Variants in CATSPERE observed in about 807,000 individuals in gnomAD.
CATSPERE encodes the protein catsper channel auxiliary subunit epsilon, also known as cation channel sperm-associated auxiliary subunit epsilon.
A neutral mutation model predicts 114.1 loss-of-function variants in CATSPERE; 93 were observed. The observed-to-expected ratio is 0.81, with a 90% confidence interval of 0.69 to 0.97. The LOEUF (loss-of-function observed/expected upper bound fraction) is 0.97, where lower values mean the gene tolerates loss of function less well. Ranked by LOEUF, CATSPERE falls within the 50% of genes least tolerant of loss-of-function variation. The pLI, the probability that CATSPERE is intolerant of heterozygous loss-of-function variation, is 0.00. For synonymous variants in CATSPERE, 341 were observed against 384.1 expected (o/e 0.89, Z 1.31); for missense variants, 1,058 against 1,131.6 (o/e 0.93, Z 0.93).
intron 19 of CATSPERE, among the ~76,000 whole-genome samples, chr1:244,614,267 C>T (rs576203459): frequency 1.3e-5 from 2 of 152,356 alleles, no homozygotes; most frequent in Admixed American, 6.5e-5. Context: ...CCACCCTGCA[C>T]GTGAGTCAAG....
At chr1:244,637,443 C>T (rs1268656180) in intron 21 of CATSPERE, among the ~76,000 whole-genome samples, 2 of 152,126 alleles carry the variant, frequency 1.3e-5, no homozygotes, top group African/African-American at 4.8e-5. Flanking sequence ...ATAGTTACAC[C>T]TTCCACACTG....
At chr1:244,577,627 ACT>A (rs1665486588) in intron 11 of CATSPERE, among the ~76,000 whole-genome samples, 1 of 152,122 alleles carries the variant, frequency 6.6e-6, no homozygotes, top group African/African-American at 2.4e-5. Flanking sequence ...GGGCAAGGCC[ACT>A]CTCAGAGGCC....
intron 8 of CATSPERE, among the ~76,000 whole-genome samples, chr1:244,530,773 A>G (rs1212647327): frequency 1.3e-5 from 2 of 152,120 alleles, no homozygotes; most frequent in East Asian, 3.9e-4. Context: ...ATTTGTACCT[A>G]TTGTAAATAG....
At chr1:244,521,779 T>C (rs978094796) in intron 8 of CATSPERE, among the ~76,000 whole-genome samples, 1 of 152,188 alleles carries the variant, frequency 6.6e-6, no homozygotes, top group African/African-American at 2.4e-5. Flanking sequence ...ATTCAGCTCA[T>C]TGATGAATAC....
chr1:244,512,434 C>A lies in CATSPERE; in HGVS notation c.430-6158C>A, dbSNP rs770990928. ...TGTTTGTTAAATCTCTCATTCAGAT[C>A]TTGAATTGATTTCCTATTTTCTTTG... On this transcript the variant is annotated intron_variant, in intron 7 of 21. Coordinates refer to ENST00000366534, the MANE Select transcript of CATSPERE (RefSeq NM_001130957.2). Among the ~76,000 whole-genome samples, 26 of 152,048 alleles carry A rather than the reference C, an allele frequency of 1.7e-4. 1 individual carries two copies. Among genetic ancestry groups the A allele is most frequent in the Non-Finnish European group, 3.2e-4 (22 of 67,996 alleles).
At chr1:244,463,416 T>G (rs2148070144) in intron 1 of CATSPERE, among the ~76,000 whole-genome samples, 1 of 152,200 alleles carries the variant, frequency 6.6e-6, no homozygotes, top group Non-Finnish European at 1.5e-5. Context: ...GGCATGCGCC[T>G]GTAGTCCCAG....
chr1:244,593,266 G>T, intron 15 of CATSPERE, 129 bp from the exon 16 acceptor site: 1 of 842,598 alleles, frequency 1.2e-6, no homozygotes, highest in Non-Finnish European at 1.9e-6. Context: ...TGTAGAAAGT[G>T]CCTCAGTATT....
intron 1 of CATSPERE, 112 bp downstream of exon 1, chr1:244,461,606 G>T: frequency 2.5e-6 from 2 of 814,816 alleles, no homozygotes; most frequent in South Asian, 6.0e-5. Context: ...CGCCCTGGCC[G>T]ACCACTGCCT....
intron 20 of CATSPERE, among the ~76,000 whole-genome samples, chr1:244,621,059 TAA>T (rs1183870773): frequency 9.3e-5 from 4 of 42,840 alleles, no homozygotes; most frequent in Admixed American, 3.6e-4. Context: ...TAAATATATA[TAA>T]ATATATATAA....
intron 5 of CATSPERE, among the ~76,000 whole-genome samples, chr1:244,482,882 G>C (rs940794308): frequency 6.6e-6 from 1 of 152,022 alleles, no homozygotes; most frequent in African/African-American, 2.4e-5. Flanking sequence ...GACTATATTT[G>C]ATTATAATAA....
rs531394787 is a variant in CATSPERE at position 244,600,400 on chromosome 1, C to CT, written c.2304-5294dup. On this transcript the variant is annotated intron_variant, in intron 17 of 21. Coordinates refer to ENST00000366534, the MANE Select transcript of CATSPERE (RefSeq NM_001130957.2). Reference sequence around the variant, plus strand: ...GAGAGAGAGAGACTAGAAAACTCTGCTAATGCCCAGGTCAGTCACAAGGAA... The same window carrying CT: ...GAGAGAGAGAGACTAGAAAACTCTGCTTAATGCCCAGGTCAGTCACAAGGAA... Among the ~76,000 whole-genome samples, 7 of 150,916 alleles carry CT rather than the reference C, an allele frequency of 4.6e-5. 1 individual carries two copies. In the South Asian group the frequency reaches 1.5e-3, roughly 32 times the overall value.
chr1:244,581,674 T>C, intron 11 of CATSPERE, 122 bp from the exon 12 acceptor site: 2 of 549,426 alleles, frequency 3.6e-6, no homozygotes, highest in Non-Finnish European at 6.7e-6. Flanking sequence ...GTGATGAACA[T>C]CATTACATAC....
chr1:244,491,249 C>G (rs1367292015), intron 6 of CATSPERE, among the ~76,000 whole-genome samples: 2 of 152,186 alleles, frequency 1.3e-5, no homozygotes, highest in Non-Finnish European at 2.9e-5. Flanking sequence ...AACTGTCTCT[C>G]AGACCACAGT....
intron 7 of CATSPERE, among the ~76,000 whole-genome samples, chr1:244,514,595 C>T (rs769673656): frequency 5.3e-5 from 8 of 151,936 alleles, no homozygotes; most frequent in Non-Finnish European, 1.2e-4. Flanking sequence ...TTTGGGAGGC[C>T]GAGGCGGGTG....
intron 13 of CATSPERE, among the ~76,000 whole-genome samples, chr1:244,585,262 A>G (rs1434474874): frequency 3.9e-5 from 6 of 152,204 alleles, no homozygotes; most frequent in Non-Finnish European, 7.3e-5. Flanking sequence ...AGAGTATTAA[A>G]TGAGATTATT....
At chr1:244,628,038 A>G (rs1268043336) in intron 20 of CATSPERE, among the ~76,000 whole-genome samples, 1 of 152,222 alleles carries the variant, frequency 6.6e-6, no homozygotes, top group Non-Finnish European at 1.5e-5. Context: ...TTAAAGCAAT[A>G]CTGTTGTGTT....
intron 8 of CATSPERE, among the ~76,000 whole-genome samples, chr1:244,541,842 T>C (rs1295337989): frequency 7.2e-6 from 1 of 138,840 alleles, no homozygotes; most frequent in Non-Finnish European, 1.6e-5. Flanking sequence ...AAATGATGAG[T>C]TCATGTCCTT....
rs1339540509 is a variant in CATSPERE, at chr1:244,607,066, C to A, written c.2403+1272C>A. ...CCTTGGTCCAGACTCCCATCACTCT[C>A]TTCCTTCTCAAACCTTTCCATTATG... On this transcript the variant is annotated intron_variant, in intron 18 of 21. Transcript: ENST00000366534. This position sits in a 1 kb window ranked among gnomAD's most constrained non-coding sequence, Gnocchi z 4.4. Among the ~76,000 whole-genome samples, 1 of 152,200 alleles carries A rather than the reference C, an allele frequency of 6.6e-6. No individual in the cohort carries two copies. Among genetic ancestry groups the A allele is most frequent in the East Asian group, 1.9e-4 (1 of 5,198 alleles).
intron 9 of CATSPERE, among the ~76,000 whole-genome samples, chr1:244,558,124 TTC>T (rs1351841516): frequency 5.5e-5 from 8 of 144,220 alleles, no homozygotes; most frequent in African/African-American, 1.3e-4. Context: ...GCCCAATTAT[TTC>T]TCTCTCTCTC....
Sources: gnomAD v4.1 joint callset for allele counts (sites outside exome capture counted in the v4.1 genomes callset) on GRCh38, gnomAD v4.1.1 for gene constraint, Gnocchi (gnomAD v3.1) non-coding constraint, MANE v1.5 for transcripts, NCBI Gene and HGNC (gene_info 2026-07-23, HGNC 2026-07-21) for gene names.